Variants in RAB31 observed in about 807,000 individuals in gnomAD.
The protein encoded by RAB31 is RAB31, member RAS oncogene family.
A neutral mutation model predicts 25.6 loss-of-function variants in RAB31; 21 were observed. That is an observed-to-expected ratio of 0.82 (90% confidence interval 0.58 to 1.18). The LOEUF is 1.18. Ranked by LOEUF, RAB31 falls within the 50% of genes most tolerant of loss-of-function variation. RAB31 has a pLI of 0.00. For missense variants in RAB31, 196 were observed against 250.1 expected (o/e 0.78, Z 1.46); for synonymous variants, 87 against 84.0 (o/e 1.04, Z -0.20).
At position 9,786,673 on chromosome 18, in the gene RAB31, T is replaced by G. The variant is rs55759974; in HGVS notation, c.120-5481T>G. ...TGGTCATAGAGGTTCTCTTCTGTGT[T>G]GATGGTTGTGGTGTGAGAACAGAGG... On this transcript the variant is annotated intron_variant, in intron 2 of 6. Transcript: ENST00000578921. 9.4e-3 allele frequency: 1,438 copies of G among 152,306 alleles called. 18 individuals carry two copies. Among genetic ancestry groups the G allele is most frequent in the Non-Finnish European group, 0.011 (725 of 68,034 alleles). The allele number at this position is 152,306 out of a possible 1,614,324, so 9.4% of individuals were successfully genotyped here. A position where few individuals can be genotyped will look rare whatever the true frequency, so the allele number is the denominator to read the frequency against.
intron 1 of RAB31, among the ~76,000 whole-genome samples, chr18:9,743,523 C>T (rs1228053496): frequency 6.6e-6 from 1 of 152,194 alleles, no homozygotes; most frequent in African/African-American, 2.4e-5. Context: ...CCTGAGCTGC[C>T]ACCCTCTCAC....
In RAB31 at chr18:9,814,107, T is replaced by A; in HGVS notation, c.273+16T>A. The A allele has an allele frequency of 6.5e-7, 1 of 1,533,576 alleles. No individual in the cohort carries two copies. The highest frequency in any genetic ancestry group is 8.9e-7 in the Non-Finnish European group (1 of 1,119,182). 95.0% of individuals were successfully genotyped at this position (1,533,576 alleles called of 1,614,324 possible). On this transcript the variant is annotated intron_variant, in intron 4 of 6. Coordinates refer to ENST00000578921, the MANE Select transcript of RAB31 (RefSeq NM_006868.4). ...TACCAAGCAGGTAAGAATGTCTCCT[T>A]CAGAATTTAGATGTCATTTATGGTG...
intron 5 of RAB31, among the ~76,000 whole-genome samples, chr18:9,836,203 A>G (rs1016813048): frequency 1.3e-5 from 2 of 151,944 alleles, no homozygotes; most frequent in African/African-American, 2.4e-5. Context: ...TCGGGGAGAG[A>G]GTAAAAATAT....
chr18:9,826,799 G>A (rs879915460), intron 5 of RAB31, among the ~76,000 whole-genome samples: 4 of 152,144 alleles, frequency 2.6e-5, no homozygotes, highest in Non-Finnish European at 5.9e-5. Context: ...CTCTGTGAGA[G>A]GACCTGCAGG....
chr18:9,835,651 T>C (rs1210968399), intron 5 of RAB31, among the ~76,000 whole-genome samples: 1 of 152,220 alleles, frequency 6.6e-6, no homozygotes, highest in Admixed American at 6.5e-5. Flanking sequence ...TCAAGTGCTT[T>C]AGCTGTAAGT....
chr18:9,734,485 T>G (rs1164928095), intron 1 of RAB31, among the ~76,000 whole-genome samples: 1 of 152,222 alleles, frequency 6.6e-6, no homozygotes, highest in Admixed American at 6.5e-5. Flanking sequence ...GTGAGTGAGC[T>G]AAGGGTGAGC....
At chr18:9,847,592 T>G (rs1175330333) in intron 6 of RAB31, among the ~76,000 whole-genome samples, 1 of 152,214 alleles carries the variant, frequency 6.6e-6, no homozygotes, top group Non-Finnish European at 1.5e-5. Flanking sequence ...TCTTTTTTTT[T>G]CTGAGACAGA....
At chr18:9,732,800 G>A (rs545140515) in intron 1 of RAB31, among the ~76,000 whole-genome samples, 4 of 152,220 alleles carry the variant, frequency 2.6e-5, no homozygotes, top group Non-Finnish European at 5.9e-5. Flanking sequence ...AGTATTGACT[G>A]AGCCACTGTA....
chr18:9,828,899 A>G (rs2068663424), intron 5 of RAB31, among the ~76,000 whole-genome samples: 1 of 152,118 alleles, frequency 6.6e-6, no homozygotes, highest in Non-Finnish European at 1.5e-5. Flanking sequence ...GGAAGAATAG[A>G]GTCTGTGCTG....
At chr18:9,815,006 T>C (rs1371608385) in intron 4 of RAB31, 110 bp from the exon 5 acceptor site, 5 of 736,298 alleles carry the variant, frequency 6.8e-6, no homozygotes, top group Non-Finnish European at 2.2e-6. Flanking sequence ...TCTGCATGAG[T>C]CTCCTAAAAA....
At chr18:9,789,516 G>A (rs142214023) in intron 2 of RAB31, among the ~76,000 whole-genome samples, 1 of 152,176 alleles carries the variant, frequency 6.6e-6, no homozygotes, top group Non-Finnish European at 1.5e-5. Context: ...TAATTATTGT[G>A]TACCGGCTAA....
At chr18:9,710,684 C>G (rs1320281434) in intron 1 of RAB31, among the ~76,000 whole-genome samples, 1 of 152,046 alleles carries the variant, frequency 6.6e-6, no homozygotes, top group Non-Finnish European at 1.5e-5. Flanking sequence ...CAAACCCCGT[C>G]TCTATTAAAA....
At chr18:9,829,718 T>C (rs1269800194) in intron 5 of RAB31, among the ~76,000 whole-genome samples, 1 of 152,200 alleles carries the variant, frequency 6.6e-6, no homozygotes, top group Admixed American at 6.5e-5. Flanking sequence ...TCAGGGCATA[T>C]AGTGCTATCT....
chr18:9,846,572 C>T (rs2143137628), intron 6 of RAB31, among the ~76,000 whole-genome samples: 1 of 152,250 alleles, frequency 6.6e-6, no homozygotes, highest in East Asian at 1.9e-4. Context: ...GGAGTTGAAC[C>T]CCAAAACAGT....
intron 6 of RAB31, among the ~76,000 whole-genome samples, chr18:9,850,702 G>A (rs919989200): frequency 3.9e-5 from 6 of 152,038 alleles, no homozygotes; most frequent in African/African-American, 1.4e-4. Context: ...AGAAACATTT[G>A]TTTTATTAAG....
At chr18:9,839,404 G>A (rs968628195) in intron 5 of RAB31, among the ~76,000 whole-genome samples, 25 of 152,170 alleles carry the variant, frequency 1.6e-4, no homozygotes, top group African/African-American at 6.0e-4. Context: ...CCTATTCACA[G>A]GAATACTTGG....
intron 6 of RAB31, among the ~76,000 whole-genome samples, chr18:9,851,319 G>A (rs146764899): frequency 2.5e-4 from 38 of 152,304 alleles, no homozygotes; most frequent in African/African-American, 8.7e-4. Context: ...CAAAAGGCAT[G>A]TCTTTTATTC....
intron 1 of RAB31, among the ~76,000 whole-genome samples, chr18:9,734,419 G>A (rs761899823): frequency 6.6e-6 from 1 of 152,242 alleles, no homozygotes; most frequent in Non-Finnish European, 1.5e-5. Flanking sequence ...AACACGGACA[G>A]GAAGCGTTAC....
chr18:9,808,274 A>C (rs2068552304), intron 3 of RAB31, among the ~76,000 whole-genome samples: 1 of 152,252 alleles, frequency 6.6e-6, no homozygotes, highest in Non-Finnish European at 1.5e-5. Context: ...GTAATGTATT[A>C]TGATATAATA....
Sources: gnomAD v4.1 joint callset for allele counts (sites outside exome capture counted in the v4.1 genomes callset) on GRCh38, gnomAD v4.1.1 for gene constraint, MANE v1.5 for transcripts, NCBI Gene and HGNC (gene_info 2026-07-23, HGNC 2026-07-21) for gene names.